The following SURF1 variants were observed in gnomAD, a reference collection of about 807,000 sequenced individuals.
SURF1 encodes surfeit locus protein 1.
A neutral mutation model predicts 34.1 loss-of-function variants in SURF1; 45 were observed. That is an observed-to-expected ratio of 1.32 (90% CI 1.04 to 1.69). The LOEUF (loss-of-function observed/expected upper bound fraction) is 1.69. SURF1 is among the 40% of genes most tolerant of loss of function. The probability of loss-of-function intolerance (pLI) is 0.00; values close to 1 mark genes in which losing one functional copy is unlikely to be tolerated. For missense variants in SURF1, 456 were observed against 384.6 expected (o/e 1.19, Z -1.55); for synonymous variants, 188 against 147.5 (o/e 1.27, Z -1.99).
In SURF1 at chr9:133,352,781, G is replaced by GTGCTACTTCAGGTGGGGA; in HGVS notation, c.516-33_516-16dup. 6.2e-7 allele frequency: 1 copy of GTGCTACTTCAGGTGGGGA among 1,606,562 alleles called. No individual in the cohort carries two copies. Among genetic ancestry groups the GTGCTACTTCAGGTGGGGA allele is most frequent in the Non-Finnish European group, 8.5e-7 (1 of 1,176,780 alleles). ...GGATGGTGACTCTAGGGTAATGAAA[G>GTGCTACTTCAGGTGGGGA]TGCTACTTCAGGTGGGGAGGGTTTT... On this transcript the variant is annotated splice_polypyrimidine_tract_variant and intron_variant, in intron 5 of 8. Transcript: ENST00000371974.
At chr9:133,353,147 C>T (rs2130012298) in intron 5 of SURF1, among the ~76,000 whole-genome samples, 6 of 152,150 alleles carry the variant, frequency 3.9e-5, no homozygotes, top group East Asian at 1.9e-4. Flanking sequence ...CCAAGGCAGC[C>T]GTGAGGAGCA....
rs112873213 is a variant in SURF1 at position 133,353,033 on chromosome 9, C to T, written c.516-267G>A. On this transcript the variant is annotated intron_variant, in intron 5 of 8. Coordinates refer to ENST00000371974, the MANE Select transcript of SURF1 (RefSeq NM_003172.4). ...TCTATCTCTGCTTCTTGTGGTCTAC[C>T]TACTACAACGTGCAACTGGTGAGCA... Among the ~76,000 whole-genome samples, 1,510 of 152,300 alleles carry T rather than the reference C, an allele frequency of 9.9e-3. 15 individuals are homozygous for T. The highest frequency in any genetic ancestry group is 0.031 in the African/African-American group (1,279 of 41,558).
chr9:133,352,677 G>A lies in SURF1; in HGVS notation c.588+17C>T. ...CCCAGAGCCTTCTCTAAAGTAGGAA[G>A]AGTCCATGTCCCTTACCTGGCCTTT... On this transcript the variant is annotated intron_variant, in intron 6 of 8. Transcript: ENST00000371974. 3 of 1,613,798 alleles carry A rather than the reference G, an allele frequency of 1.9e-6. No homozygotes were observed. Among genetic ancestry groups the A allele is most frequent in the Non-Finnish European group, 1.7e-6 (2 of 1,179,912 alleles).
intron 2 of SURF1, 134 bp downstream of exon 2, chr9:133,356,135 G>A: frequency 8.4e-7 from 1 of 1,184,088 alleles, no homozygotes; most frequent in South Asian, 1.3e-5. Context: ...TACGGAACTT[G>A]TCACTCCCAG....
intron 4 of SURF1, 172 bp from the exon 5 acceptor site, chr9:133,354,112 G>C: frequency 2.7e-6 from 2 of 734,388 alleles, no homozygotes; most frequent in South Asian, 3.0e-5. Context: ...TGCACTGCCA[G>C]AGTCCAACTT....
intron 5 of SURF1, 72 bp downstream of exon 5, chr9:133,353,677 G>C (rs1431553857): frequency 6.4e-7 from 1 of 1,573,100 alleles, no homozygotes; most frequent in African/African-American, 1.3e-5. Context: ...GATTGTGAAG[G>C]AAATAGTGAT....
At chr9:133,355,044 G>A (rs1426331326) in intron 2 of SURF1, 87 bp from the exon 3 acceptor site, 13 of 1,579,278 alleles carry the variant, frequency 8.2e-6, no homozygotes, top group Non-Finnish European at 1.1e-5. Flanking sequence ...CTCCAGTACT[G>A]CCAATCAAAA....
chr9:133,354,796 G>A (rs1461335544), intron 3 of SURF1, 28 bp downstream of exon 3: 1 of 1,613,646 alleles, frequency 6.2e-7, no homozygotes, highest in African/African-American at 1.3e-5. Flanking sequence ...AGGGCCCAGA[G>A]TTACGCACAC....
chr9:133,356,427 C>T lies in SURF1; in HGVS notation c.27G>A (p.Leu9=), dbSNP rs1196383536. The T allele has an allele frequency of 7.8e-6, 11 of 1,407,062 alleles. No homozygotes were observed. Among genetic ancestry groups the T allele is most frequent in the Non-Finnish European group, 1.0e-5 (11 of 1,081,814 alleles). The allele number at this position is 1,407,062 out of a possible 1,614,324, so 87.2% of individuals were successfully genotyped here. MAAVAALQ[L]GLRAAGLGRA... ...GTCCCAGCCCCGCCGCCCGCAGCCC[C>T]AGCTGCAACGCAGCCACCGCCGCCA... Residue 9 remains leucine, a synonymous_variant, in exon 1 of 9, where the codon CTG becomes CTA. Coordinates refer to ENST00000371974, the MANE Select transcript of SURF1 (RefSeq NM_003172.4).
chr9:133,351,884 C>T lies in SURF1; in HGVS notation c.*29G>A, dbSNP rs1564346734. The T allele has an allele frequency of 2.5e-6, 4 of 1,608,820 alleles. No individual in the cohort carries two copies. Among genetic ancestry groups the T allele is most frequent in the Middle Eastern group, 1.7e-4 (1 of 6,054 alleles). On this transcript the variant is annotated 3_prime_UTR_variant, in exon 9 of 9. Coordinates refer to ENST00000371974, the MANE Select transcript of SURF1 (RefSeq NM_003172.4). The stretch of plus-strand genomic sequence containing the variant: ...AGGCAGTCTTGAAATACTGCATTAT[C>T]CAGGGACAGGGCTTCAGCAGCTGAT...
chr9:133,354,728 T>A lies in SURF1; in HGVS notation c.254A>T (p.Lys85Met), dbSNP rs2130018067. 3.7e-6 allele frequency: 6 copies of A among 1,613,680 alleles called. No homozygotes were observed. The highest frequency in any genetic ancestry group is 3.4e-6 in the Non-Finnish European group (4 of 1,180,018). ...GLGTWQVQRR[K>M]WKLNLIAELE... The stretch of plus-strand genomic sequence containing the variant: ...CTCTGCAATCAGGTTCAGCTTCCAC[T>A]TCCGACGCTGGACCTACAGTGACAG... The change falls in exon 4 of 9, where the codon AAG becomes ATG. Residue 85 changes from lysine to methionine, a missense_variant. Lys to Met is a moderately conservative substitution (Grantham distance 95). Transcript: ENST00000371974.
Position 133,354,866 on chromosome 9 carries a change from C to T in SURF1, c.198G>A (p.Leu66=). 1 of 1,614,062 alleles carries T rather than the reference C, an allele frequency of 6.2e-7. No homozygotes were observed. The highest frequency in any genetic ancestry group is 8.5e-7 in the Non-Finnish European group (1 of 1,180,046). ...CAAAGGCAGTCACAGGGATGAGGAG[C>T]AGGACCCACTGAAGAAAGGAGTCAT... ...AEDDSFLQWV[L]LLIPVTAFGL... The change falls in exon 3 of 9, where the codon CTG becomes CTA. Residue 66 remains leucine (L), a synonymous_variant. Transcript: ENST00000371974.
chr9:133,356,194 C>T, intron 2 of SURF1, 75 bp downstream of exon 2: 1 of 1,515,818 alleles, frequency 6.6e-7, no homozygotes, highest in Non-Finnish European at 8.8e-7. Flanking sequence ...CCCACGACAA[C>T]CCTTCAAAGT....
intron 5 of SURF1, 110 bp from the exon 6 acceptor site, chr9:133,352,876 T>A: frequency 8.1e-7 from 1 of 1,240,814 alleles, no homozygotes. Flanking sequence ...GGAAGGCTTT[T>A]AAAACAGGGC....
intron 4 of SURF1, chr9:133,354,156 G>T: frequency 1.6e-6 from 1 of 625,576 alleles, no homozygotes; most frequent in East Asian, 2.8e-5. Context: ...ACTCCTCAAT[G>T]AATATTTTAT....
intron 1 of SURF1, 29 bp downstream of exon 1, chr9:133,356,371 G>GCACCCCGCACCCCA: frequency 8.2e-7 from 1 of 1,219,778 alleles, no homozygotes; most frequent in Non-Finnish European, 1.1e-6. Flanking sequence ...CCCGCGCCCC[G>GCACCCCGCACCCCA]CACCCCGCAC....
chr9:133,353,466 G>A (rs1156711481), intron 5 of SURF1, among the ~76,000 whole-genome samples: 3 of 152,168 alleles, frequency 2.0e-5, no homozygotes, highest in African/African-American at 7.2e-5. Context: ...TAATGTGTGG[G>A]CAACTAGACA....
Position 133,353,954 on chromosome 9 carries a change from A to C in SURF1, c.324-14T>G, listed in dbSNP as rs2130015694. 1.2e-6 allele frequency: 2 copies of C among 1,613,784 alleles called. No individual in the cohort carries two copies. The highest frequency in any genetic ancestry group is 3.3e-5 in the Admixed American group (2 of 60,034). Reference sequence around the variant, plus strand: ...AGTTCCATTGGGCTGCATGGAGATAAGAACAGTGGCCGAGCAAGGTTTGGC... The same window carrying C: ...AGTTCCATTGGGCTGCATGGAGATACGAACAGTGGCCGAGCAAGGTTTGGC... On this transcript the variant is annotated splice_polypyrimidine_tract_variant and intron_variant, in intron 4 of 8. Coordinates refer to ENST00000371974, the MANE Select transcript of SURF1 (RefSeq NM_003172.4).
chr9:133,352,247 G>T, intron 7 of SURF1, 105 bp from the exon 8 acceptor site: 1 of 1,378,332 alleles, frequency 7.3e-7, no homozygotes, highest in Non-Finnish European at 1.0e-6. Context: ...GTCCTGTATG[G>T]CCTTTACGTT....
Sources: gnomAD v4.1 joint callset for allele counts (sites outside exome capture counted in the v4.1 genomes callset) on GRCh38, gnomAD v4.1.1 for gene constraint, MANE v1.5 for transcripts, NCBI Gene and HGNC (gene_info 2026-07-23, HGNC 2026-07-21) for gene names.